CDK17: variants seen among roughly 807,000 people sequenced by gnomAD.
CDK17 encodes the protein cyclin-dependent kinase 17.
CDK17 carries 24 observed loss-of-function variants against 77.6 expected under a neutral mutation model. The ratio of observed to expected loss-of-function variants is 0.31; its 90% CI spans 0.22 to 0.44. CDK17 has a LOEUF of 0.44. CDK17 is among the 20% of genes least tolerant of loss of function. The pLI is 1.00. For synonymous variants in CDK17, 203 were observed against 210.4 expected (o/e 0.96, Z 0.30); for missense variants, 429 against 622.5 (o/e 0.69, Z 3.31).
chr12:96,385,012 GAAAA>G (rs75720821), intron 1 of CDK17, among the ~76,000 whole-genome samples: 2 of 75,500 alleles, frequency 2.6e-5, no homozygotes, highest in Admixed American at 1.5e-4. Flanking sequence ...TTTCTCAAGG[GAAAA>G]AAAAAAAAAA....
At chr12:96,343,504 G>A (rs1294994882) in intron 1 of CDK17, among the ~76,000 whole-genome samples, 1 of 152,186 alleles carries the variant, frequency 6.6e-6, no homozygotes, top group Non-Finnish European at 1.5e-5. Flanking sequence ...CTTTATTTAG[G>A]CCCTCTGGGG....
At chr12:96,339,155 T>C (rs967941333) in intron 1 of CDK17, among the ~76,000 whole-genome samples, 5 of 152,190 alleles carry the variant, frequency 3.3e-5, no homozygotes, top group African/African-American at 1.2e-4. Context: ...CAAAGTATTA[T>C]AGAAATGTTA....
chr12:96,315,123 C>G (rs1176790923), intron 3 of CDK17, among the ~76,000 whole-genome samples: 2 of 152,174 alleles, frequency 1.3e-5, no homozygotes, highest in East Asian at 3.8e-4. Flanking sequence ...AACTAGATCT[C>G]TTTTTCAAAT....
intron 7 of CDK17, among the ~76,000 whole-genome samples, chr12:96,298,299 A>G (rs1952441642): frequency 1.3e-5 from 2 of 152,092 alleles, no homozygotes; most frequent in Non-Finnish European, 1.5e-5. Flanking sequence ...AAAAAAAAAA[A>G]AGTTCATGGA....
chr12:96,386,269 T>C (rs1953973135), intron 1 of CDK17, among the ~76,000 whole-genome samples: 1 of 152,194 alleles, frequency 6.6e-6, no homozygotes, highest in South Asian at 2.1e-4. Context: ...GTGCTGGGAT[T>C]ACAGACGTGA....
chr12:96,353,856 G>A (rs2137176255), intron 1 of CDK17, among the ~76,000 whole-genome samples: 2 of 152,068 alleles, frequency 1.3e-5, no homozygotes, highest in African/African-American at 4.8e-5. Flanking sequence ...AAGTTTGGGG[G>A]AAAAAAGTAA....
chr12:96,377,071 G>A (rs1363818617), intron 1 of CDK17, among the ~76,000 whole-genome samples: 1 of 151,998 alleles, frequency 6.6e-6, no homozygotes, highest in Non-Finnish European at 1.5e-5. Context: ...CACCTATATG[G>A]CCACAACCAT....
intron 5 of CDK17, among the ~76,000 whole-genome samples, chr12:96,306,513 T>C (rs1333273064): frequency 2.0e-5 from 3 of 152,010 alleles, no homozygotes; most frequent in Non-Finnish European, 4.4e-5. Context: ...TTAAAAAATA[T>C]TTTATTTTTT....
chr12:96,393,349 C>T (rs973430053), intron 1 of CDK17, among the ~76,000 whole-genome samples: 11 of 87,872 alleles, frequency 1.3e-4, no homozygotes, highest in African/African-American at 3.0e-4. Context: ...TGTGAGGCTC[C>T]GCCTCAAAAA....
rs370546877 is a variant in CDK17 at position 96,283,605 on chromosome 12, G to T, written c.1363C>A (p.Gln455Lys). ...AATTACTGTAAGAACTGACTTACCT[G>T]AAGAAATTTTGTTATCAACTCAATT... ...EGIELITKFLQYESKKRVSAE... is the reference protein window; with the variant it reads ...EGIELITKFLKYESKKRVSAE... Residue 455 changes from glutamine (Q) to lysine (K), a missense_variant and splice_region_variant, in exon 14 of 17, where the codon CAG becomes AAG. Transcript: ENST00000261211. 3 of 1,592,380 alleles carry T rather than the reference G, an allele frequency of 1.9e-6. No homozygotes were observed. The African/African-American group carries it at 4.0e-5, about 21-fold the overall frequency.
At chr12:96,340,583 T>G (rs1953107943) in intron 1 of CDK17, among the ~76,000 whole-genome samples, 1 of 152,208 alleles carries the variant, frequency 6.6e-6, no homozygotes, top group South Asian at 2.1e-4. Flanking sequence ...CTGACATTTC[T>G]AATTATCTTT....
At chr12:96,297,355 T>A in intron 8 of CDK17, 23 bp from the exon 9 acceptor site, 4 of 1,487,302 alleles carry the variant, frequency 2.7e-6, no homozygotes, top group Non-Finnish European at 3.7e-6. Context: ...AGCACTCTGC[T>A]ATGTGATACA....
At chr12:96,294,611 A>AAAAAAAAAAG in intron 10 of CDK17, among the ~76,000 whole-genome samples, 1 of 121,254 alleles carries the variant, frequency 8.2e-6, no homozygotes, top group Admixed American at 8.4e-5. Context: ...AAAAAAAAAA[A>AAAAAAAAAAG]GATATATTTT....
chr12:96,315,590 G>A (rs1453432785), intron 3 of CDK17, among the ~76,000 whole-genome samples: 2 of 152,084 alleles, frequency 1.3e-5, no homozygotes, highest in Non-Finnish European at 2.9e-5. Context: ...ATTTAATCAT[G>A]GCTTCCATTT....
At chr12:96,376,570 G>A (rs550398038) in intron 1 of CDK17, among the ~76,000 whole-genome samples, 1 of 152,290 alleles carries the variant, frequency 6.6e-6, no homozygotes, top group Middle Eastern at 3.4e-3. Flanking sequence ...TACAAGCTCA[G>A]TTCAGTGACA....
intron 5 of CDK17, among the ~76,000 whole-genome samples, chr12:96,308,683 G>A (rs1952608008): frequency 6.7e-6 from 1 of 150,006 alleles, no homozygotes; most frequent in African/African-American, 2.4e-5. Flanking sequence ...AGCCAAAATT[G>A]CACCACTACA....
chr12:96,377,320 T>C (rs1045082552), intron 1 of CDK17, among the ~76,000 whole-genome samples: 1 of 152,172 alleles, frequency 6.6e-6, no homozygotes, highest in African/African-American at 2.4e-5. Flanking sequence ...TCGAAAGTTA[T>C]GCATGAAAAA....
chr12:96,294,280 G>C (rs893033761), intron 10 of CDK17, among the ~76,000 whole-genome samples: 8 of 151,998 alleles, frequency 5.3e-5, no homozygotes, highest in Non-Finnish European at 1.2e-4. Context: ...TTCCCTTTAC[G>C]TAAGTGTAGT....
intron 1 of CDK17, among the ~76,000 whole-genome samples, chr12:96,348,039 T>C (rs1953251074): frequency 6.6e-6 from 1 of 152,124 alleles, no homozygotes; most frequent in African/African-American, 2.4e-5. Flanking sequence ...ATATGAGATG[T>C]AGCTAAAGAA....
Sources: gnomAD v4.1 joint callset for allele counts (sites outside exome capture counted in the v4.1 genomes callset) on GRCh38, gnomAD v4.1.1 for gene constraint, MANE v1.5 for transcripts, NCBI Gene and HGNC (gene_info 2026-07-23, HGNC 2026-07-21) for gene names.